The following KIF3B variants were observed in gnomAD, a reference collection of about 807,000 sequenced individuals.
KIF3B encodes the protein kinesin family member 3B, also known as kinesin-like protein KIF3B.
A neutral mutation model predicts 74.3 loss-of-function variants in KIF3B; 38 were observed. The ratio of observed to expected loss-of-function variants is 0.51; its 90% CI spans 0.39 to 0.67. KIF3B has a LOEUF of 0.67. Ranked by LOEUF, KIF3B falls within the 30% of genes least tolerant of loss-of-function variation. The probability of loss-of-function intolerance (pLI) is 0.00; values close to 1 mark genes in which losing one functional copy is unlikely to be tolerated. For synonymous variants in KIF3B, 326 were observed against 342.5 expected, an observed-to-expected ratio of 0.95 and a Z score of 0.53; for missense variants, 649 against 932.0, an observed-to-expected ratio of 0.70 and a Z score of 3.95.
chr20:32,325,843 T>G (rs893886226), intron 5 of KIF3B, among the ~76,000 whole-genome samples: 4 of 151,894 alleles, frequency 2.6e-5, no homozygotes, highest in Non-Finnish European at 5.9e-5. Context: ...AATTTTTGTA[T>G]TTTTAGTAGA....
At chr20:32,322,640 A>T (rs1422097582) in intron 5 of KIF3B, among the ~76,000 whole-genome samples, 6 of 82,416 alleles carry the variant, frequency 7.3e-5, no homozygotes, top group Non-Finnish European at 1.1e-4. Flanking sequence ...ATATATATTT[A>T]TATATATATT....
chr20:32,317,553 A>G (rs373687674), intron 5 of KIF3B, among the ~76,000 whole-genome samples: 5 of 152,240 alleles, frequency 3.3e-5, no homozygotes, highest in South Asian at 4.1e-4. Context: ...TTTGCCATCT[A>G]TCTTTCACAA....
chr20:32,299,478 T>G (rs2047733263), intron 1 of KIF3B, among the ~76,000 whole-genome samples: 1 of 138,094 alleles, frequency 7.2e-6, no homozygotes, highest in African/African-American at 2.7e-5. Context: ...TGTCGCAATC[T>G]CAGCTCGCTT....
In KIF3B at chr20:32,314,563, G is replaced by A. The variant is rs73108559; in HGVS notation, c.1405-1655G>A. 5.7e-3 allele frequency among the ~76,000 whole-genome samples: 873 copies of A among 152,052 alleles called. 5 individuals carry two copies. Among genetic ancestry groups the A allele is most frequent in the Non-Finnish European group, 9.6e-3 (650 of 67,950 alleles). ...TAAAAAAAAAAAAAAGAATGTTAGA[G>A]TGGTTAGGTATTGTTAGGTATGTAT... On this transcript the variant is annotated intron_variant, in intron 2 of 8. Transcript: ENST00000375712.
chr20:32,282,779 G>A (rs376791594), intron 1 of KIF3B, among the ~76,000 whole-genome samples: 1 of 152,176 alleles, frequency 6.6e-6, no homozygotes, highest in African/African-American at 2.4e-5. Context: ...TGCCAAAGTG[G>A]TTCTTTCCTG....
chr20:32,325,422 TC>T (rs1288169529), intron 5 of KIF3B, among the ~76,000 whole-genome samples: 2 of 152,032 alleles, frequency 1.3e-5, no homozygotes, highest in Non-Finnish European at 2.9e-5. Context: ...ACTCCTGACC[TC>T]AGGTGATCCA....
At chr20:32,316,947 C>A in intron 5 of KIF3B, 73 bp downstream of exon 5, 3 of 1,184,542 alleles carry the variant, frequency 2.5e-6, no homozygotes, top group Non-Finnish European at 3.8e-6. Flanking sequence ...TAGTTAGAAA[C>A]AGCCCTGGCT....
At chr20:32,292,007 T>C (rs1342679682) in intron 1 of KIF3B, among the ~76,000 whole-genome samples, 2 of 151,992 alleles carry the variant, frequency 1.3e-5, no homozygotes, top group African/African-American at 2.4e-5. Flanking sequence ...CTCAAACTCT[T>C]AGGCGGCTCA....
At chr20:32,324,465 G>A (rs1364507654) in intron 5 of KIF3B, among the ~76,000 whole-genome samples, 1 of 152,100 alleles carries the variant, frequency 6.6e-6, no homozygotes, top group Non-Finnish European at 1.5e-5. Flanking sequence ...TAGGTTCCAG[G>A]TATTGCTTCT....
chr20:32,326,963 A>G (rs2047907019), intron 6 of KIF3B, 79 bp downstream of exon 6: 3 of 738,826 alleles, frequency 4.1e-6, no homozygotes, highest in East Asian at 2.5e-5. Context: ...CCTCTGGTCA[A>G]CAAAGGGGTT....
intron 5 of KIF3B, among the ~76,000 whole-genome samples, chr20:32,322,774 A>G (rs1428803658): frequency 7.4e-5 from 4 of 54,268 alleles, no homozygotes; most frequent in African/African-American, 5.5e-4. Context: ...ATATTTATAT[A>G]TATATTTATA....
At chr20:32,299,813 G>A (rs562806333) in intron 1 of KIF3B, among the ~76,000 whole-genome samples, 394 of 152,130 alleles carry the variant, frequency 2.6e-3, no homozygotes, top group Non-Finnish European at 4.0e-3. Flanking sequence ...TTTTGGGACA[G>A]GGTCTTCCTC....
chr20:32,324,186 T>A (rs1024799555), intron 5 of KIF3B, among the ~76,000 whole-genome samples: 1 of 152,166 alleles, frequency 6.6e-6, no homozygotes, highest in Non-Finnish European at 1.5e-5. Flanking sequence ...AATTAACTTG[T>A]ATCTCTATCC....
chr20:32,320,252 A>G lies in KIF3B; in HGVS notation c.1748+3378A>G, dbSNP rs193119642. Among the ~76,000 whole-genome samples, 352 of 152,250 alleles carry G rather than the reference A, an allele frequency of 2.3e-3. 4 individuals carry two copies. Among genetic ancestry groups the G allele is most frequent in the Admixed American group, 0.015 (233 of 15,266 alleles). On this transcript the variant is annotated intron_variant, in intron 5 of 8. Transcript: ENST00000375712. The stretch of plus-strand genomic sequence containing the variant: ...TGAATACCACTTTCTCATGAGATTC[A>G]TGATTTGAAGATGCTTTCTGTTATT...
In KIF3B at chr20:32,310,393, A is replaced by G; in HGVS notation, c.616A>G (p.Thr206Ala). 1 of 1,614,204 alleles carries G rather than the reference A, an allele frequency of 6.2e-7. No homozygotes were observed. The highest frequency in any genetic ancestry group is 8.5e-7 in the Non-Finnish European group (1 of 1,180,042). The change falls in exon 2 of 9, where the codon ACC becomes GCC. Residue 206 changes from threonine to alanine, a missense_variant. Physicochemically the swap from Thr to Ala is moderately conservative, Grantham distance 58. Around this residue, in one of 4 missense-constraint regions of KIF3B, gnomAD observed 363 missense variants for 592.8 expected, o/e 0.61. Coordinates refer to ENST00000375712, the MANE Select transcript of KIF3B (RefSeq NM_004798.4). This position sits in a 1 kb window ranked among gnomAD's most constrained non-coding sequence, Gnocchi z 6.5. ...VGNQNRSVGATNMNEHSSRSH... is the reference protein window; with the variant it reads ...VGNQNRSVGAANMNEHSSRSH... ...GAACCAGAACCGTTCTGTCGGTGCT[A>G]CCAACATGAACGAGCACAGCTCGCG...
chr20:32,315,921 A>G (rs1480978115), intron 2 of KIF3B, among the ~76,000 whole-genome samples: 1 of 152,000 alleles, frequency 6.6e-6, no homozygotes, highest in Non-Finnish European at 1.5e-5. Context: ...TCTGCTTAAT[A>G]TGTTCTAAGT....
chr20:32,304,919 T>A (rs1249155894), intron 1 of KIF3B, among the ~76,000 whole-genome samples: 1 of 150,456 alleles, frequency 6.6e-6, no homozygotes, highest in Admixed American at 6.6e-5. Context: ...GGTGGGTGGA[T>A]CACCTGAGGT....
At chr20:32,319,880 C>T (rs1469641690) in intron 5 of KIF3B, among the ~76,000 whole-genome samples, 1 of 150,882 alleles carries the variant, frequency 6.6e-6, no homozygotes, top group African/African-American at 2.4e-5. Flanking sequence ...GCCACCATGT[C>T]CAGCCAATAA....
intron 1 of KIF3B, among the ~76,000 whole-genome samples, chr20:32,298,128 G>GTT (rs35378132): frequency 1.4e-5 from 2 of 147,138 alleles, no homozygotes; most frequent in Non-Finnish European, 3.0e-5. Context: ...AAAAATTGTT[G>GTT]TTTTTTTGAA....
Sources: gnomAD v4.1 joint callset for allele counts (sites outside exome capture counted in the v4.1 genomes callset) on GRCh38, gnomAD v4.1.1 for gene constraint, gnomAD v4.1.1 regional missense constraint, Gnocchi (gnomAD v3.1) non-coding constraint, MANE v1.5 for transcripts, NCBI Gene and HGNC (gene_info 2026-07-23, HGNC 2026-07-21) for gene names.